Variants in MOB3B observed in about 807,000 individuals in gnomAD.
MOB3B encodes the protein MOB kinase activator 3B, also known as MOB kinase activator-like 2B.
MOB3B carries 7 observed loss-of-function variants against 18.7 expected under a neutral mutation model. The observed-to-expected ratio is 0.37, with a 90% CI of 0.21 to 0.70. The LOEUF (loss-of-function observed/expected upper bound fraction) is 0.70. Ranked by LOEUF, MOB3B falls within the 30% of genes least tolerant of loss-of-function variation. MOB3B has a pLI of 0.52. For synonymous variants in MOB3B, 111 were observed against 99.9 expected, an observed-to-expected ratio of 1.11 and a Z score of -0.66; for missense variants, 253 against 281.3, an observed-to-expected ratio of 0.90 and a Z score of 0.72.
chr9:27,399,891 G>A (rs1298473705), intron 2 of MOB3B, among the ~76,000 whole-genome samples: 1 of 152,288 alleles, frequency 6.6e-6, no homozygotes, highest in East Asian at 1.9e-4. Flanking sequence ...ATTCCTGGAG[G>A]AAGACCTTCA....
intron 2 of MOB3B, among the ~76,000 whole-genome samples, chr9:27,450,850 G>T (rs141118803): frequency 2.0e-5 from 3 of 152,036 alleles, no homozygotes; most frequent in African/African-American, 4.8e-5. Context: ...TTACTTTATT[G>T]GGTTGTAAGA....
intron 1 of MOB3B, among the ~76,000 whole-genome samples, chr9:27,523,212 A>G (rs1249753230): frequency 6.6e-6 from 1 of 152,172 alleles, no homozygotes; most frequent in Non-Finnish European, 1.5e-5. Flanking sequence ...TGCTTTAACC[A>G]TAATCAGAGG....
At chr9:27,428,401 A>G (rs1822368746) in intron 2 of MOB3B, among the ~76,000 whole-genome samples, 1 of 152,216 alleles carries the variant, frequency 6.6e-6, no homozygotes, top group African/African-American at 2.4e-5. Flanking sequence ...CAACGTAGTA[A>G]GAAAGCGGTT....
chr9:27,466,823 C>T (rs117048928), intron 1 of MOB3B, among the ~76,000 whole-genome samples: 1,586 of 152,186 alleles, frequency 0.01, 17 homozygotes, highest in South Asian at 0.018. Context: ...CCCTTGGGTC[C>T]GTCCTACAAT....
intron 2 of MOB3B, among the ~76,000 whole-genome samples, chr9:27,435,337 T>C (rs1444218115): frequency 1.3e-5 from 2 of 152,152 alleles, no homozygotes; most frequent in African/African-American, 4.8e-5. Context: ...ACATAAAGTA[T>C]ACATGTTTAT....
intron 3 of MOB3B, among the ~76,000 whole-genome samples, chr9:27,350,705 T>G (rs1245207015): frequency 6.6e-6 from 1 of 152,054 alleles, no homozygotes; most frequent in Non-Finnish European, 1.5e-5. Context: ...ATCTGCCAAG[T>G]CTCCTAAAAT....
chr9:27,488,159 G>A (rs1819759276), intron 1 of MOB3B, among the ~76,000 whole-genome samples: 1 of 152,162 alleles, frequency 6.6e-6, no homozygotes, highest in Non-Finnish European at 1.5e-5. Context: ...ACAACTAGCT[G>A]TTTCCTATTA....
chr9:27,451,188 T>C (rs1486497899), intron 2 of MOB3B, among the ~76,000 whole-genome samples: 1 of 152,172 alleles, frequency 6.6e-6, no homozygotes, highest in Non-Finnish European at 1.5e-5. Context: ...TTACTGTAAT[T>C]AGTCAGGCAA....
At chr9:27,403,209 A>G (rs1174907528) in intron 2 of MOB3B, among the ~76,000 whole-genome samples, 1 of 152,238 alleles carries the variant, frequency 6.6e-6, no homozygotes, top group African/African-American at 2.4e-5. Context: ...CTAGCCATAC[A>G]TATGTCTTTA....
intron 1 of MOB3B, among the ~76,000 whole-genome samples, chr9:27,474,699 T>G (rs1387883021): frequency 6.6e-6 from 1 of 152,224 alleles, no homozygotes; most frequent in East Asian, 1.9e-4. Context: ...AAAGGCTCTT[T>G]GAGGAGCTAT....
At chr9:27,386,057 T>C (rs1318615622) in intron 2 of MOB3B, among the ~76,000 whole-genome samples, 1 of 152,244 alleles carries the variant, frequency 6.6e-6, no homozygotes. Context: ...GGACAAGCCA[T>C]CCTGCTGCTG....
chr9:27,457,287 G>A (rs1189549659), intron 1 of MOB3B, among the ~76,000 whole-genome samples: 2 of 152,188 alleles, frequency 1.3e-5, no homozygotes, highest in African/African-American at 4.8e-5. Context: ...CCGTGGCCTT[G>A]AAATAGAGAG....
At chr9:27,360,374 G>A (rs117662612) in intron 2 of MOB3B, among the ~76,000 whole-genome samples, 16 of 152,126 alleles carry the variant, frequency 1.1e-4, no homozygotes, top group Non-Finnish European at 2.1e-4. Context: ...GGCATGTGGC[G>A]TGCGCCTGTA....
At chr9:27,453,241 C>CATTG (rs1012301119) in intron 2 of MOB3B, among the ~76,000 whole-genome samples, 1 of 152,150 alleles carries the variant, frequency 6.6e-6, no homozygotes, top group African/African-American at 2.4e-5. Flanking sequence ...TCATAATGCA[C>CATTG]ATTGGCATAT....
intron 2 of MOB3B, among the ~76,000 whole-genome samples, chr9:27,412,485 T>C (rs910224344): frequency 6.6e-6 from 1 of 152,224 alleles, no homozygotes; most frequent in African/African-American, 2.4e-5. Flanking sequence ...AAATGCTCAG[T>C]ACCAGGAGTC....
At chr9:27,337,613 G>A (rs558033746) in intron 3 of MOB3B, among the ~76,000 whole-genome samples, 1 of 152,328 alleles carries the variant, frequency 6.6e-6, no homozygotes, top group South Asian at 2.1e-4. Flanking sequence ...TAGTTTTCTT[G>A]GAGGAGTGAT....
At chr9:27,382,665 T>C (rs556460432) in intron 2 of MOB3B, among the ~76,000 whole-genome samples, 1 of 151,972 alleles carries the variant, frequency 6.6e-6, no homozygotes, top group Admixed American at 6.6e-5. Flanking sequence ...ACCCGATAAA[T>C]GTGAACTTGC....
intron 2 of MOB3B, among the ~76,000 whole-genome samples, chr9:27,454,769 C>G (rs1191646724): frequency 2.6e-5 from 4 of 152,094 alleles, no homozygotes; most frequent in African/African-American, 9.7e-5. Flanking sequence ...ATATAAATAC[C>G]AGTAACTGCA....
At chr9:27,486,680 G>T (rs1290512975) in intron 1 of MOB3B, among the ~76,000 whole-genome samples, 4 of 152,182 alleles carry the variant, frequency 2.6e-5, no homozygotes, top group Non-Finnish European at 5.9e-5. Context: ...GAGATGAGAA[G>T]CAGAAATCCA....
Sources: gnomAD v4.1 joint callset for allele counts (sites outside exome capture counted in the v4.1 genomes callset) on GRCh38, gnomAD v4.1.1 for gene constraint, MANE v1.5 for transcripts, NCBI Gene and HGNC (gene_info 2026-07-23, HGNC 2026-07-21) for gene names.